The following MAGI1 variants were observed in gnomAD, a reference collection of about 807,000 sequenced individuals.
MAGI1 encodes membrane-associated guanylate kinase, WW and PDZ domain-containing protein 1.
In MAGI1, 58 loss-of-function variants were observed where a neutral mutation model predicts 139.9. The observed-to-expected ratio is 0.41, with a 90% CI of 0.34 to 0.52. The LOEUF is 0.52. Ranked by LOEUF, MAGI1 falls within the 20% of genes least tolerant of loss-of-function variation. The pLI is 0.12. For missense variants in MAGI1, 1,874 were observed against 1,901.6 expected (o/e 0.99, Z 0.27); for synonymous variants, 812 against 737.9 (o/e 1.10, Z -1.63).
intron 1 of MAGI1, among the ~76,000 whole-genome samples, chr3:65,958,743 T>C (rs1186748288): frequency 6.6e-6 from 1 of 152,026 alleles, no homozygotes; most frequent in African/African-American, 2.4e-5. Flanking sequence ...TCCCAGCACT[T>C]TGGGAGGTCA....
intron 1 of MAGI1, among the ~76,000 whole-genome samples, chr3:65,934,765 G>GTTTT (rs1217371754): frequency 7.3e-6 from 1 of 137,808 alleles, no homozygotes; most frequent in Non-Finnish European, 1.6e-5. Context: ...AGAAAAAGTT[G>GTTTT]TTGTTTTTTT....
chr3:65,585,387 T>C (rs1244345027), intron 2 of MAGI1, among the ~76,000 whole-genome samples: 3 of 152,206 alleles, frequency 2.0e-5, no homozygotes, highest in Admixed American at 1.3e-4. Context: ...AAAGAAAATA[T>C]ACAGATGGCA....
At chr3:65,467,700 A>C (rs1246418547) in intron 5 of MAGI1, among the ~76,000 whole-genome samples, 1 of 152,180 alleles carries the variant, frequency 6.6e-6, no homozygotes, top group Admixed American at 6.5e-5. Context: ...CCTTTTTCCA[A>C]TATATCAAGT....
chr3:65,942,934 T>C (rs760580902), intron 1 of MAGI1, among the ~76,000 whole-genome samples: 10 of 152,020 alleles, frequency 6.6e-5, no homozygotes, highest in Admixed American at 3.9e-4. Context: ...GGCAAGAGAA[T>C]CCCTTGAACT....
intron 1 of MAGI1, among the ~76,000 whole-genome samples, chr3:65,739,341 CT>C (rs999684605): frequency 2.0e-5 from 3 of 152,190 alleles, no homozygotes; most frequent in African/African-American, 7.2e-5. Context: ...CTGGATCAGG[CT>C]TTGGCTTAAG....
At chr3:65,705,442 G>T (rs1447712747) in intron 1 of MAGI1, among the ~76,000 whole-genome samples, 1 of 152,170 alleles carries the variant, frequency 6.6e-6, no homozygotes, top group Non-Finnish European at 1.5e-5. Context: ...AGCATTCACT[G>T]AATTGTATAC....
At chr3:65,919,925 T>C (rs996964078) in intron 1 of MAGI1, among the ~76,000 whole-genome samples, 2 of 152,150 alleles carry the variant, frequency 1.3e-5, no homozygotes, top group African/African-American at 4.8e-5. Flanking sequence ...TCTTATCCCA[T>C]TGGTCACCAA....
At chr3:65,383,663 G>A (rs1334865353) in intron 14 of MAGI1, 40 bp from the exon 15 acceptor site, 1 of 1,249,320 alleles carries the variant, frequency 8.0e-7, no homozygotes, top group African/African-American at 1.5e-5. Flanking sequence ...TTATTTTACT[G>A]ATAAAAGCAA....
At chr3:65,559,794 C>T (rs78249472) in intron 2 of MAGI1, among the ~76,000 whole-genome samples, 3,176 of 152,184 alleles carry the variant, frequency 0.021, 64 homozygotes, top group Non-Finnish European at 0.028. Flanking sequence ...ACCAGCACTA[C>T]GGGAGGCCAG....
chr3:65,506,825 T>C (rs1191712042), intron 2 of MAGI1, among the ~76,000 whole-genome samples: 1 of 152,084 alleles, frequency 6.6e-6, no homozygotes, highest in Non-Finnish European at 1.5e-5. Flanking sequence ...AAACGAGAAA[T>C]AAATTTGTAT....
At chr3:65,506,780 A>G (rs2077305307) in intron 2 of MAGI1, among the ~76,000 whole-genome samples, 1 of 152,226 alleles carries the variant, frequency 6.6e-6, no homozygotes, top group African/African-American at 2.4e-5. Context: ...AATGAATGTG[A>G]TATTTATTGA....
intron 4 of MAGI1, among the ~76,000 whole-genome samples, chr3:65,471,152 G>A (rs1432070078): frequency 6.6e-6 from 1 of 152,078 alleles, no homozygotes; most frequent in Non-Finnish European, 1.5e-5. Flanking sequence ...TCATGTGGGT[G>A]GACTGATATG....
chr3:65,666,281 A>G (rs975560444), intron 1 of MAGI1, among the ~76,000 whole-genome samples: 1 of 152,184 alleles, frequency 6.6e-6, no homozygotes, highest in Non-Finnish European at 1.5e-5. Flanking sequence ...AGAGCATTAA[A>G]AGATAATCAG....
chr3:65,480,474 A>G (rs1951204068), intron 3 of MAGI1, among the ~76,000 whole-genome samples: 1 of 151,898 alleles, frequency 6.6e-6, no homozygotes, highest in Non-Finnish European at 1.5e-5. Context: ...AGTCAAGGAT[A>G]CAGTAAGCAG....
At chr3:65,621,736 A>G (rs2083679568) in intron 2 of MAGI1, among the ~76,000 whole-genome samples, 1 of 152,210 alleles carries the variant, frequency 6.6e-6, no homozygotes, top group South Asian at 2.1e-4. Context: ...CACTAATGTG[A>G]AAAGTGGGCC....
At chr3:65,817,418 C>T (rs567607621) in intron 1 of MAGI1, among the ~76,000 whole-genome samples, 17 of 152,230 alleles carry the variant, frequency 1.1e-4, no homozygotes, top group African/African-American at 4.1e-4. Context: ...AAGAAGACAT[C>T]ATTTATGGCT....
rs752131188 is a variant in MAGI1, at chr3:65,391,245, T to C, written c.2313A>G (p.Pro771=). 2 of 1,614,118 alleles carry C rather than the reference T, an allele frequency of 1.2e-6. No homozygotes were observed. The highest frequency in any genetic ancestry group is 1.7e-6 in the Non-Finnish European group (2 of 1,180,022). Residue 771 remains proline, a synonymous_variant, in exon 14 of 23, where the codon CCA becomes CCG. Coordinates refer to ENST00000402939, the MANE Select transcript of MAGI1 (RefSeq NM_001033057.2). ...SHSTQVLPEF[P]PAEAQAPDQT... Reference sequence around the variant, plus strand: ...GATCTGGAGCTTGGGCCTCTGCAGGTGGGAACTCGGGGAGCACCTGTGTGC... The same window carrying C: ...GATCTGGAGCTTGGGCCTCTGCAGGCGGGAACTCGGGGAGCACCTGTGTGC...
At chr3:65,484,845 G>A (rs1012038993) in intron 3 of MAGI1, among the ~76,000 whole-genome samples, 2 of 152,028 alleles carry the variant, frequency 1.3e-5, no homozygotes, top group Non-Finnish European at 2.9e-5. Flanking sequence ...TGTTCTCAAG[G>A]AACCACATAC....
chr3:66,034,832 A>T (rs1347659406), intron 1 of MAGI1, among the ~76,000 whole-genome samples: 1 of 152,280 alleles, frequency 6.6e-6, no homozygotes, highest in East Asian at 1.9e-4. Flanking sequence ...AAAAGAGTAC[A>T]TACTGCATTA....
Sources: allele counts gnomAD v4.1 joint callset (sites outside exome capture counted in the v4.1 genomes callset), GRCh38; gene constraint gnomAD v4.1.1; transcripts MANE v1.5; gene names NCBI Gene and HGNC (gene_info 2026-07-23, HGNC 2026-07-21).